The following WDFY4 variants were observed in gnomAD, a reference collection of about 807,000 sequenced individuals.
WDFY4 encodes the protein WD repeat- and FYVE domain-containing protein 4.
In WDFY4, 169 loss-of-function variants were observed where a neutral mutation model predicts 351.9. That is an observed-to-expected ratio of 0.48 (90% CI 0.42 to 0.55). The LOEUF (loss-of-function observed/expected upper bound fraction) is 0.55. WDFY4 is among the 20% of genes least tolerant of loss of function. The pLI is 0.00. For missense variants in WDFY4, 3,803 were observed against 3,935.6 expected (o/e 0.97, Z 0.90); for synonymous variants, 1,622 against 1,574.6 (o/e 1.03, Z -0.71).
intron 13 of WDFY4, among the ~76,000 whole-genome samples, chr10:48,771,494 G>A (rs2065864541): frequency 6.6e-6 from 1 of 152,126 alleles, no homozygotes; most frequent in African/African-American, 2.4e-5. Context: ...ATCCATACAT[G>A]TCAAAATGCT....
intron 11 of WDFY4, among the ~76,000 whole-genome samples, chr10:48,740,966 GTTAT>G (rs894562533): frequency 2.0e-5 from 3 of 152,154 alleles, no homozygotes; most frequent in Non-Finnish European, 2.9e-5. Flanking sequence ...CTCACTTTAT[GTTAT>G]TTGTCTATTT....
intron 15 of WDFY4, among the ~76,000 whole-genome samples, chr10:48,776,135 T>C (rs1297434002): frequency 6.6e-6 from 1 of 152,210 alleles, no homozygotes; most frequent in Non-Finnish European, 1.5e-5. Flanking sequence ...GGAAGGCTTC[T>C]GTACAGCTCA....
chr10:48,777,011 A>G, intron 16 of WDFY4, 27 bp downstream of exon 16: 1 of 1,535,406 alleles, frequency 6.5e-7, no homozygotes, highest in Non-Finnish European at 8.8e-7. Flanking sequence ...CATATTTAAA[A>G]TGCACTTTAT....
At chr10:48,960,118 C>T (rs534732826) in intron 53 of WDFY4, among the ~76,000 whole-genome samples, 1 of 152,354 alleles carries the variant, frequency 6.6e-6, no homozygotes, top group South Asian at 2.1e-4. Context: ...AGAACATCCA[C>T]TCCCTGGGCC....
At chr10:48,810,433 C>T in intron 28 of WDFY4, 97 bp from the exon 29 acceptor site, 3 of 1,201,884 alleles carry the variant, frequency 2.5e-6, no homozygotes, top group Non-Finnish European at 3.4e-6. Flanking sequence ...TAACTTGCCT[C>T]TCCTTGGTGA....
intron 43 of WDFY4, among the ~76,000 whole-genome samples, chr10:48,887,959 A>G (rs2070535528): frequency 1.3e-5 from 2 of 152,360 alleles, no homozygotes; most frequent in Admixed American, 6.5e-5. Flanking sequence ...GTCTGCAACT[A>G]TTAATAAGAA....
At chr10:48,743,750 T>G (rs1038113843) in intron 12 of WDFY4, among the ~76,000 whole-genome samples, 1 of 152,050 alleles carries the variant, frequency 6.6e-6, no homozygotes, top group Non-Finnish European at 1.5e-5. Context: ...TCAATCTGAG[T>G]CAGTACTGGG....
Position 48,776,885 on chromosome 10 carries a change from T to A in WDFY4, c.2999T>A (p.Leu1000Gln). 1.3e-6 allele frequency: 2 copies of A among 1,552,032 alleles called. No individual in the cohort carries two copies. The highest frequency in any genetic ancestry group is 1.7e-6 in the Non-Finnish European group (2 of 1,147,056). The change falls in exon 16 of 62, where the codon CTG becomes CAG. Residue 1000 changes from leucine to glutamine, a missense_variant. Coordinates refer to ENST00000325239, the MANE Select transcript of WDFY4 (RefSeq NM_001394531.1). ...TCAACTACTGCTCTTCAGACGGCGC[T>A]GAGCCTCATCTCCATGACCTCCCCA... Reference protein sequence around the residue: ...QDSTTALQTALSLISMTSPRN... With the variant: ...QDSTTALQTAQSLISMTSPRN...
chr10:48,892,434 G>A (rs1836858842), intron 44 of WDFY4, among the ~76,000 whole-genome samples: 1 of 152,210 alleles, frequency 6.6e-6, no homozygotes, highest in South Asian at 2.1e-4. Context: ...AGTAGAGTGA[G>A]AACAAATTAC....
chr10:48,691,668 T>C (rs1431338195), intron 1 of WDFY4, among the ~76,000 whole-genome samples: 1 of 152,236 alleles, frequency 6.6e-6, no homozygotes, highest in African/African-American at 2.4e-5. Flanking sequence ...ATTTGTTGAT[T>C]TTTGTGTTTT....
chr10:48,961,528 A>G (rs1841859964), intron 53 of WDFY4, among the ~76,000 whole-genome samples: 1 of 152,212 alleles, frequency 6.6e-6, no homozygotes, highest in Non-Finnish European at 1.5e-5. Context: ...TGTTTGAATG[A>G]GTGCTTTAGA....
At chr10:48,820,172 G>T (rs1770833145) in intron 32 of WDFY4, 62 bp from the exon 33 acceptor site, 2 of 1,525,370 alleles carry the variant, frequency 1.3e-6, no homozygotes, top group South Asian at 1.2e-5. Context: ...CATGGCACAG[G>T]TTGGTGGGAA....
At chr10:48,789,836 A>G (rs41282003) in intron 21 of WDFY4, 38 bp from the exon 22 acceptor site, 83,628 of 1,546,166 alleles carry the variant, frequency 0.054, 2,489 homozygotes, top group Middle Eastern at 0.069. Context: ...CTTCTTTTGC[A>G]GGACTTTCTT....
At chr10:48,913,758 A>C (rs778700449) in intron 47 of WDFY4, 43 of 1,613,868 alleles carry the variant, frequency 2.7e-5, no homozygotes, top group Non-Finnish European at 1.3e-5. Context: ...CACGCTGTCC[A>C]GGTGGTTCAA....
At chr10:48,882,793 T>C (rs2070305504) in intron 43 of WDFY4, among the ~76,000 whole-genome samples, 1 of 152,182 alleles carries the variant, frequency 6.6e-6, no homozygotes, top group South Asian at 2.1e-4. Flanking sequence ...ACAAGGGATC[T>C]GCCCCCATCA....
At chr10:48,709,574 C>T in intron 1 of WDFY4, 142 bp from the exon 2 acceptor site, 1 of 692,704 alleles carries the variant, frequency 1.4e-6, no homozygotes, top group Non-Finnish European at 2.4e-6. Flanking sequence ...AAAAAGGCTT[C>T]CTTATTTTAG....
chr10:48,745,211 G>A (rs148792313), intron 12 of WDFY4, among the ~76,000 whole-genome samples: 20 of 152,134 alleles, frequency 1.3e-4, no homozygotes, highest in African/African-American at 3.6e-4. Context: ...TTTGAATTTT[G>A]AATTTCCATT....
chr10:48,948,513 A>C (rs1050696430), intron 51 of WDFY4, among the ~76,000 whole-genome samples: 2 of 152,204 alleles, frequency 1.3e-5, no homozygotes. Context: ...TTATAACCCA[A>C]AACCCCAGCT....
At position 48,743,723 on chromosome 10, in the gene WDFY4, G is replaced by A. The variant is rs373297640; in HGVS notation, c.2459+175G>A. Reference sequence around the variant, plus strand: ...CTCTGACTCCACACTCTTCTACCTTGGGAGCTGATGGAAAATTCAATCTGA... The same window carrying A: ...CTCTGACTCCACACTCTTCTACCTTAGGAGCTGATGGAAAATTCAATCTGA... On this transcript the variant is annotated intron_variant, in intron 12 of 61. Transcript: ENST00000325239. 9.2e-5 allele frequency among the ~76,000 whole-genome samples: 14 copies of A among 152,276 alleles called. 1 individual carries two copies. The South Asian group carries it at 1.2e-3, about 14-fold the overall frequency.
Sources: allele counts gnomAD v4.1 joint callset (sites outside exome capture counted in the v4.1 genomes callset), GRCh38; gene constraint gnomAD v4.1.1; transcripts MANE v1.5; gene names NCBI Gene and HGNC (gene_info 2026-07-23, HGNC 2026-07-21).